Variants in IL1RAPL1 observed in about 807,000 individuals in gnomAD.
IL1RAPL1 encodes the protein interleukin 1 receptor accessory protein like 1.
Under a neutral mutation model 48.4 loss-of-function variants are expected in IL1RAPL1, and 3 were observed. That is an observed-to-expected ratio of 0.06 (90% CI 0.03 to 0.16). The LOEUF is 0.16. Among genes scored for constraint, IL1RAPL1 ranks in the 10% least tolerant of loss-of-function variants. The pLI is 1.00. For synonymous variants in IL1RAPL1, 185 were observed against 187.7 expected (o/e 0.99, Z 0.12); for missense variants, 349 against 530.6 (o/e 0.66, Z 3.36).
intron 2 of IL1RAPL1, among the ~76,000 whole-genome samples, chrX:29,266,855 C>T (rs1263940196): frequency 9.0e-6 from 1 of 111,529 alleles, no homozygotes; most frequent in African/African-American, 3.3e-5. Context: ...CCTAAGTCTA[C>T]CTTAAGCCTT....
intron 2 of IL1RAPL1, among the ~76,000 whole-genome samples, chrX:28,949,309 T>G (rs772249732): frequency 9.0e-6 from 1 of 110,566 alleles, no homozygotes; most frequent in South Asian, 3.8e-4. Context: ...TAAATGAGCC[T>G]TGTGTGCTTT....
chrX:29,290,084 A>G (rs1932347685), intron 3 of IL1RAPL1, among the ~76,000 whole-genome samples: 1 of 111,765 alleles, frequency 8.9e-6, no homozygotes. Context: ...TTATTCACTC[A>G]TGCTATGCTA....
intron 2 of IL1RAPL1, among the ~76,000 whole-genome samples, chrX:29,090,174 C>T (rs1271989742): frequency 2.7e-5 from 3 of 110,735 alleles, no homozygotes; most frequent in East Asian, 5.7e-4. Context: ...AATAATAACT[C>T]CTATTTATCA....
intron 1 of IL1RAPL1, among the ~76,000 whole-genome samples, chrX:28,662,527 G>A (rs1291355680): frequency 9.0e-6 from 1 of 111,439 alleles, no homozygotes. Context: ...GTGTGAGTTT[G>A]ACTCCCAGGA....
intron 1 of IL1RAPL1, among the ~76,000 whole-genome samples, chrX:28,612,313 A>G (rs1341187371): frequency 8.9e-6 from 1 of 112,330 alleles, no homozygotes; most frequent in Admixed American, 9.4e-5. Context: ...AGGGGTGCAC[A>G]CACAAACATT....
At chrX:29,349,088 G>A (rs776069281) in intron 3 of IL1RAPL1, among the ~76,000 whole-genome samples, 2 of 112,342 alleles carry the variant, frequency 1.8e-5, no homozygotes, top group Admixed American at 1.9e-4. Context: ...AGACACAGGG[G>A]AAATTGTCCA....
intron 2 of IL1RAPL1, among the ~76,000 whole-genome samples, chrX:29,077,145 A>T (rs1927695527): frequency 8.9e-6 from 1 of 112,299 alleles, no homozygotes; most frequent in African/African-American, 3.2e-5. Context: ...AGGAATTTGG[A>T]CTGTGTACAG....
At position 29,375,909 on chromosome X, in the gene IL1RAPL1, T is replaced by G. The variant is rs1292716422; in HGVS notation, c.363-20349T>G. 2.7e-5 allele frequency among the ~76,000 whole-genome samples: 3 copies of G among 112,173 alleles called. No individual in the cohort carries two copies. In the East Asian group the frequency reaches 8.4e-4, roughly 31 times the overall value. On this transcript the variant is annotated intron_variant, in intron 3 of 10. Transcript: ENST00000378993. Reference sequence around the variant, plus strand: ...TTCTGTGGAATTAGTTGTAATGTCATCTTTGTCATTTCTGATTGTACTTAT... The same window carrying G: ...TTCTGTGGAATTAGTTGTAATGTCAGCTTTGTCATTTCTGATTGTACTTAT...
chrX:29,928,275 TA>T (rs1269800853), intron 8 of IL1RAPL1, among the ~76,000 whole-genome samples: 2 of 111,849 alleles, frequency 1.8e-5, no homozygotes, highest in East Asian at 5.6e-4. Flanking sequence ...TAATTAAGTT[TA>T]AAACATTTGC....
chrX:29,378,220 T>C (rs1481320515), intron 3 of IL1RAPL1, among the ~76,000 whole-genome samples: 1 of 111,733 alleles, frequency 8.9e-6, no homozygotes, highest in Admixed American at 9.6e-5. Flanking sequence ...GCTCTAGAAA[T>C]TCAGTTTGAT....
chrX:29,680,377 C>G (rs2147105387), intron 6 of IL1RAPL1, among the ~76,000 whole-genome samples: 1 of 111,440 alleles, frequency 9.0e-6, no homozygotes, highest in East Asian at 2.8e-4. Context: ...TTAGTGAGAA[C>G]TTGAAGTTCC....
chrX:29,710,654 T>C (rs898102602), intron 6 of IL1RAPL1, among the ~76,000 whole-genome samples: 1 of 105,965 alleles, frequency 9.4e-6, no homozygotes, highest in South Asian at 4.1e-4. Flanking sequence ...CTAGAAACTT[T>C]TATTGAATAG....
chrX:28,833,449 T>A (rs1326924926), intron 2 of IL1RAPL1, among the ~76,000 whole-genome samples: 4 of 111,714 alleles, frequency 3.6e-5, no homozygotes, highest in Non-Finnish European at 7.5e-5. Flanking sequence ...CAACAGTGTG[T>A]AAGTGTTCAT....
intron 6 of IL1RAPL1, among the ~76,000 whole-genome samples, chrX:29,841,219 G>A (rs1212614624): frequency 1.8e-5 from 2 of 111,766 alleles, no homozygotes; most frequent in Non-Finnish European, 3.8e-5. Flanking sequence ...AATCATAGAA[G>A]CTCAAGTATA....
At chrX:29,255,529 G>A (rs1366248139) in intron 2 of IL1RAPL1, among the ~76,000 whole-genome samples, 1 of 110,988 alleles carries the variant, frequency 9.0e-6, no homozygotes, top group Admixed American at 9.6e-5. Context: ...TGATACTGAA[G>A]TTTGGGCTTC....
At chrX:29,514,816 T>C (rs980068311) in intron 5 of IL1RAPL1, among the ~76,000 whole-genome samples, 3 of 112,462 alleles carry the variant, frequency 2.7e-5, no homozygotes, top group African/African-American at 9.7e-5. Flanking sequence ...ACAATCTGAT[T>C]AAAAAAAATC....
At chrX:28,868,629 G>T (rs908293401) in intron 2 of IL1RAPL1, among the ~76,000 whole-genome samples, 1 of 111,308 alleles carries the variant, frequency 9.0e-6, no homozygotes, top group Non-Finnish European at 1.9e-5. Context: ...CAGCAGGTCT[G>T]CCTTCTTACT....
chrX:28,766,529 T>G (rs902271938), intron 1 of IL1RAPL1, among the ~76,000 whole-genome samples: 8 of 111,801 alleles, frequency 7.2e-5, no homozygotes, highest in African/African-American at 2.6e-4. Flanking sequence ...ATTTATTTTT[T>G]GTGTTAAAAA....
chrX:29,214,676 C>T lies in IL1RAPL1; in HGVS notation c.83-68262C>T, dbSNP rs187191275. 8.0e-3 allele frequency among the ~76,000 whole-genome samples: 882 copies of T among 110,556 alleles called. 7 individuals are homozygous for T. Among genetic ancestry groups the T allele is most frequent in the Middle Eastern group, 0.014 (3 of 214 alleles). ...TCCCCGAGATAATTCCACAGTATAACGAAAACATAAAGGAAGATAAAGAGA... is the reference window on the plus strand; with the variant it reads ...TCCCCGAGATAATTCCACAGTATAATGAAAACATAAAGGAAGATAAAGAGA... On this transcript the variant is annotated intron_variant, in intron 2 of 10. Transcript: ENST00000378993.
Sources: allele counts gnomAD v4.1 joint callset (sites outside exome capture counted in the v4.1 genomes callset), GRCh38; gene constraint gnomAD v4.1.1; transcripts MANE v1.5; gene names NCBI Gene and HGNC (gene_info 2026-07-23, HGNC 2026-07-21).